DDAH1: variants seen among roughly 807,000 people sequenced by gnomAD.
DDAH1 encodes the protein N(G),N(G)-dimethylarginine dimethylaminohydrolase 1.
Under a neutral mutation model 28.8 loss-of-function variants are expected in DDAH1, and 19 were observed. The ratio of observed to expected loss-of-function variants is 0.66; its 90% CI spans 0.46 to 0.97. The LOEUF (loss-of-function observed/expected upper bound fraction) is 0.97. DDAH1 is among the 50% of genes least tolerant of loss of function. The pLI, the probability that DDAH1 is intolerant of heterozygous loss-of-function variation, is 0.00. For synonymous variants in DDAH1, 153 were observed against 154.4 expected, an observed-to-expected ratio of 0.99 and a Z score of 0.07; for missense variants, 326 against 375.9, an observed-to-expected ratio of 0.87 and a Z score of 1.10.
intron 1 of DDAH1, among the ~76,000 whole-genome samples, chr1:85,448,410 A>T (rs1282793106): frequency 6.6e-6 from 1 of 152,202 alleles, no homozygotes; most frequent in Non-Finnish European, 1.5e-5. Flanking sequence ...GAGGTTCTGA[A>T]AATCTGGTTG....
intron 1 of DDAH1, among the ~76,000 whole-genome samples, chr1:85,524,098 G>T (rs1460051095): frequency 7.2e-5 from 11 of 151,868 alleles, no homozygotes; most frequent in Middle Eastern, 3.4e-3. Context: ...GCAAGTCACT[G>T]CTGGGAAAAA....
chr1:85,387,895 C>T (rs1262815615), intron 1 of DDAH1, among the ~76,000 whole-genome samples: 1 of 152,188 alleles, frequency 6.6e-6, no homozygotes, highest in East Asian at 1.9e-4. Flanking sequence ...TGCTTCCACT[C>T]ATGGCAGAAG....
chr1:85,335,968 GAAATAAAATAAAATAAAATA>G (rs139704444), intron 4 of DDAH1, among the ~76,000 whole-genome samples: 33 of 143,950 alleles, frequency 2.3e-4, no homozygotes, highest in Middle Eastern at 3.5e-3. Context: ...TCTCTAAAAT[GAAATAAAATAAAATAAAATA>G]AAATAAAATA....
intron 1 of DDAH1, among the ~76,000 whole-genome samples, chr1:85,554,474 C>T (rs989039096): frequency 2.0e-5 from 3 of 152,014 alleles, no homozygotes; most frequent in Admixed American, 6.6e-5. Flanking sequence ...TTTTAAATGA[C>T]TGGAAATTGC....
chr1:85,461,095 C>T (rs1445159439), intron 1 of DDAH1, among the ~76,000 whole-genome samples: 1 of 152,134 alleles, frequency 6.6e-6, no homozygotes, highest in East Asian at 1.9e-4. Context: ...GCCTAGGTGA[C>T]AGAGTGAGAC....
chr1:85,516,258 C>G (rs1274999616), intron 1 of DDAH1, among the ~76,000 whole-genome samples: 1 of 151,740 alleles, frequency 6.6e-6, no homozygotes, highest in Admixed American at 6.6e-5. Flanking sequence ...AGAACAGATA[C>G]ATACTTGAGA....
At position 85,464,589 on chromosome 1, in the gene DDAH1, GACAC is replaced by G. The variant is rs4001153; in HGVS notation, c.303+150_303+153del. On this transcript the variant is annotated intron_variant, in intron 1 of 5. Coordinates refer to ENST00000284031, the MANE Select transcript of DDAH1 (RefSeq NM_012137.4). The surrounding 1 kb of genome is among the most constrained non-coding windows in gnomAD (Gnocchi z 4.4). ...ACAATGAACTTCTCTCTGACTCTCT[GACAC>G]ACACACACACACACACACTCGCCCC... The G allele has an allele frequency of 0.034, 36,557 of 1,071,342 alleles. 17 individuals carry two copies. Among genetic ancestry groups the G allele is most frequent in the South Asian group, 0.099 (5,251 of 52,812 alleles). The allele number at this position is 1,071,342 out of a possible 1,614,324, so 66.4% of individuals were successfully genotyped here.
At chr1:85,378,378 C>A (rs1280746806) in intron 1 of DDAH1, among the ~76,000 whole-genome samples, 1 of 151,896 alleles carries the variant, frequency 6.6e-6, no homozygotes, top group Admixed American at 6.6e-5. Context: ...AAAGGAGTAC[C>A]CTCTCTATGG....
chr1:85,342,765 T>G (rs1425849995), intron 4 of DDAH1, among the ~76,000 whole-genome samples: 2 of 152,176 alleles, frequency 1.3e-5, no homozygotes, highest in East Asian at 3.8e-4. Context: ...GCTGGGCACT[T>G]TTGGAAGTTG....
At chr1:85,492,575 G>C (rs182912800) in intron 2 of DDAH1, among the ~76,000 whole-genome samples, 2 of 152,250 alleles carry the variant, frequency 1.3e-5, no homozygotes. Flanking sequence ...ATATCAGCAC[G>C]TGGAATTTCC....
At chr1:85,572,448 G>A (rs542871063) in intron 1 of DDAH1, among the ~76,000 whole-genome samples, 6 of 152,118 alleles carry the variant, frequency 3.9e-5, no homozygotes, top group Non-Finnish European at 7.4e-5. Flanking sequence ...CAGGTATTCT[G>A]CTCTACCTTA....
At chr1:85,555,852 A>G (rs1239729074) in intron 1 of DDAH1, among the ~76,000 whole-genome samples, 1 of 152,216 alleles carries the variant, frequency 6.6e-6, no homozygotes, top group African/African-American at 2.4e-5. Context: ...TAGTAGCAAT[A>G]TGGCAGTAAG....
chr1:85,482,356 C>T (rs546570363), intron 2 of DDAH1: 1 of 152,272 alleles, frequency 6.6e-6, no homozygotes, highest in South Asian at 2.1e-4. Flanking sequence ...CAACTTAGTA[C>T]TCAATACTAG....
At chr1:85,334,526 T>A (rs1647989097) in intron 4 of DDAH1, among the ~76,000 whole-genome samples, 1 of 152,154 alleles carries the variant, frequency 6.6e-6, no homozygotes, top group African/African-American at 2.4e-5. Flanking sequence ...GGGGGCAGAT[T>A]TCCCCCTTAC....
intron 4 of DDAH1, among the ~76,000 whole-genome samples, chr1:85,330,820 C>A (rs1051099470): frequency 1.3e-5 from 2 of 152,180 alleles, no homozygotes; most frequent in Admixed American, 6.5e-5. Flanking sequence ...TCGGGCTCAG[C>A]ACAATGGCAG....
intron 1 of DDAH1, among the ~76,000 whole-genome samples, chr1:85,539,273 T>A (rs1882937): frequency 2.6e-5 from 4 of 152,170 alleles, no homozygotes; most frequent in African/African-American, 7.2e-5. Context: ...CAGCCTCCCA[T>A]GTAGCTGGGA....
intron 4 of DDAH1, among the ~76,000 whole-genome samples, chr1:85,327,317 T>A (rs1647467299): frequency 6.6e-6 from 1 of 152,218 alleles, no homozygotes; most frequent in African/African-American, 2.4e-5. Context: ...TAATCTGTCT[T>A]GGAGTCTAAT....
chr1:85,331,144 A>G (rs1379587805), intron 4 of DDAH1, among the ~76,000 whole-genome samples: 1 of 152,238 alleles, frequency 6.6e-6, no homozygotes, highest in South Asian at 2.1e-4. Flanking sequence ...GGCAAGTTGC[A>G]TTAACAACCA....
At chr1:85,463,701 G>A (rs1444088089) in intron 1 of DDAH1, among the ~76,000 whole-genome samples, 1 of 152,180 alleles carries the variant, frequency 6.6e-6, no homozygotes, top group Non-Finnish European at 1.5e-5. Context: ...GCTCTATGAG[G>A]CATTTCCAAT....
Sources: allele counts gnomAD v4.1 joint callset (sites outside exome capture counted in the v4.1 genomes callset), GRCh38; gene constraint gnomAD v4.1.1; non-coding constraint Gnocchi (gnomAD v3.1); transcripts MANE v1.5; gene names NCBI Gene and HGNC (gene_info 2026-07-23, HGNC 2026-07-21).